Variants in RELN observed in about 807,000 individuals in gnomAD.
RELN encodes reelin.
Under a neutral mutation model 427.6 loss-of-function variants are expected in RELN, and 108 were observed. The observed-to-expected ratio is 0.25, with a 90% CI of 0.22 to 0.30. The LOEUF (loss-of-function observed/expected upper bound fraction) is 0.30. Among genes scored for constraint, RELN ranks in the 10% least tolerant of loss-of-function variants. The probability of loss-of-function intolerance (pLI) is 1.00; values close to 1 mark genes in which losing one functional copy is unlikely to be tolerated. For synonymous variants in RELN, 1,524 were observed against 1,513.4 expected (o/e 1.01, Z -0.16); for missense variants, 3,715 against 4,302.8 (o/e 0.86, Z 3.82).
chr7:103,951,885 C>T (rs1232050281), intron 1 of RELN, among the ~76,000 whole-genome samples: 2 of 152,200 alleles, frequency 1.3e-5, no homozygotes, highest in Non-Finnish European at 2.9e-5. Flanking sequence ...GTTGGTCAGG[C>T]TGGTCTCAAA....
chr7:103,859,575 G>A (rs1414679693), intron 2 of RELN, among the ~76,000 whole-genome samples: 1 of 152,186 alleles, frequency 6.6e-6, no homozygotes, highest in Non-Finnish European at 1.5e-5. Context: ...TTATAGGCGT[G>A]AGCCACGGCA....
chr7:103,949,819 A>T (rs1011821544), intron 1 of RELN, among the ~76,000 whole-genome samples: 3 of 152,148 alleles, frequency 2.0e-5, no homozygotes, highest in African/African-American at 7.2e-5. Context: ...TACACCTCTC[A>T]CATACTCTAT....
chr7:103,603,213 T>G lies in RELN; in HGVS notation c.3333+91A>C. The stretch of plus-strand genomic sequence containing the variant: ...CAAAAGCGGGGAACGTGGGGAACAA[T>G]AGAACCACTTCATATTTGTACATTT... On this transcript the variant is annotated intron_variant, in intron 24 of 64. Coordinates refer to ENST00000428762, the MANE Select transcript of RELN (RefSeq NM_005045.4). The surrounding 1 kb of genome is among the most constrained non-coding windows in gnomAD (Gnocchi z 4.3). 9.2e-7 allele frequency: 1 copy of G among 1,083,690 alleles called. No individual in the cohort carries two copies. Among genetic ancestry groups the G allele is most frequent in the Non-Finnish European group, 1.4e-6 (1 of 698,678 alleles). 67.1% of individuals were successfully genotyped at this position (1,083,690 alleles called of 1,614,324 possible).
intron 3 of RELN, among the ~76,000 whole-genome samples, chr7:103,830,986 C>G (rs1353837604): frequency 6.6e-6 from 1 of 152,056 alleles, no homozygotes; most frequent in African/African-American, 2.4e-5. Context: ...TTCCAACTAA[C>G]TGCTAAGAAA....
At chr7:103,575,853 T>G in intron 28 of RELN, 148 bp from the exon 29 acceptor site, 1 of 871,548 alleles carries the variant, frequency 1.1e-6, no homozygotes, top group Non-Finnish European at 1.9e-6. Flanking sequence ...TCATAAGCTG[T>G]CTCTCAGACC....
At chr7:103,767,924 C>T (rs1791464843) in intron 4 of RELN, among the ~76,000 whole-genome samples, 1 of 152,122 alleles carries the variant, frequency 6.6e-6, no homozygotes, top group African/African-American at 2.4e-5. Context: ...ATGCTCTTTC[C>T]CTGCTATATT....
chr7:103,877,347 A>G (rs2283032), intron 2 of RELN, among the ~76,000 whole-genome samples: 22,040 of 152,130 alleles, frequency 0.14, 1,895 homozygotes, highest in East Asian at 0.34. Context: ...TTATTTGCTC[A>G]TGATGTGCTC....
intron 45 of RELN, among the ~76,000 whole-genome samples, chr7:103,536,512 G>A (rs921041548): frequency 2.6e-5 from 4 of 152,174 alleles, no homozygotes; most frequent in Admixed American, 6.5e-5. Context: ...CAAGGCGTCA[G>A]GAGCTTTAAA....
intron 2 of RELN, among the ~76,000 whole-genome samples, chr7:103,904,358 TGGGTACATATC>T (rs1260117516): frequency 6.6e-6 from 1 of 152,180 alleles, no homozygotes; most frequent in Non-Finnish European, 1.5e-5. Flanking sequence ...TATATCCCTT[TGGGTACATATC>T]CAGTAATGGG....
chr7:103,750,833 G>C (rs140728930), intron 5 of RELN, among the ~76,000 whole-genome samples: 4 of 152,210 alleles, frequency 2.6e-5, no homozygotes, highest in African/African-American at 9.6e-5. Flanking sequence ...GAATGCCAGG[G>C]AGCCATACAT....
chr7:103,957,260 T>C (rs73715928), intron 1 of RELN, among the ~76,000 whole-genome samples: 5,323 of 152,134 alleles, frequency 0.035, 303 homozygotes, highest in African/African-American at 0.12. Context: ...AGAAAATAAA[T>C]GAAGGAAAAC....
intron 24 of RELN, 110 bp from the exon 25 acceptor site, chr7:103,596,771 C>T (rs1192912276): frequency 1.7e-5 from 16 of 925,726 alleles, no homozygotes; most frequent in Non-Finnish European, 2.2e-5. Flanking sequence ...GAAATGGTCT[C>T]GTCCCCATTT....
intron 10 of RELN, among the ~76,000 whole-genome samples, chr7:103,683,595 A>G (rs1226407652): frequency 6.6e-6 from 1 of 152,114 alleles, no homozygotes. Context: ...TACATTACTC[A>G]TGTGTTTTTG....
intron 23 of RELN, 96 bp downstream of exon 23, chr7:103,604,250 G>T (rs143175156): frequency 3.6e-6 from 5 of 1,403,548 alleles, no homozygotes; most frequent in Non-Finnish European, 5.0e-6. Flanking sequence ...ATTATTTATC[G>T]GTCTATCCAT....
intron 2 of RELN, among the ~76,000 whole-genome samples, chr7:103,912,201 C>CATT (rs1795383706): frequency 6.9e-6 from 1 of 144,454 alleles, no homozygotes; most frequent in African/African-American, 2.5e-5. Context: ...TCACTTTAAG[C>CATT]TTTTTTTTTT....
intron 3 of RELN, among the ~76,000 whole-genome samples, chr7:103,782,253 A>G (rs1044227195): frequency 3.2e-4 from 49 of 152,200 alleles, no homozygotes; most frequent in African/African-American, 1.2e-3. Context: ...CAACCTAACT[A>G]AACAACAGAG....
chr7:103,669,505 C>T (rs563422278), intron 11 of RELN, among the ~76,000 whole-genome samples: 5 of 152,216 alleles, frequency 3.3e-5, no homozygotes, highest in South Asian at 2.1e-4. Context: ...CTTTACTCCC[C>T]GGACTTCAAA....
At chr7:103,872,839 T>G (rs1211804250) in intron 2 of RELN, among the ~76,000 whole-genome samples, 1 of 150,458 alleles carries the variant, frequency 6.6e-6, no homozygotes, top group African/African-American at 2.4e-5. Flanking sequence ...TTTTCATGTG[T>G]TTTTTGGCTG....
intron 63 of RELN, among the ~76,000 whole-genome samples, chr7:103,481,288 T>C (rs1379705129): frequency 6.6e-6 from 1 of 152,146 alleles, no homozygotes; most frequent in Non-Finnish European, 1.5e-5. Context: ...AAATGTGTGA[T>C]ATGTTAAGAA....
Sources: allele counts gnomAD v4.1 joint callset (sites outside exome capture counted in the v4.1 genomes callset), GRCh38; gene constraint gnomAD v4.1.1; non-coding constraint Gnocchi (gnomAD v3.1); transcripts MANE v1.5; gene names NCBI Gene and HGNC (gene_info 2026-07-23, HGNC 2026-07-21).